The following SETBP1 variants were observed in gnomAD, a reference collection of about 807,000 sequenced individuals.
SETBP1 encodes SET-binding protein.
A neutral mutation model predicts 101.0 loss-of-function variants in SETBP1; 9 were observed. The observed-to-expected ratio is 0.09, with a 90% confidence interval of 0.05 to 0.16. The LOEUF is 0.16. Among genes scored for constraint, SETBP1 ranks in the 10% least tolerant of loss-of-function variants. The probability of loss-of-function intolerance (pLI) is 1.00; values close to 1 mark genes in which losing one functional copy is unlikely to be tolerated. For synonymous variants in SETBP1, 818 were observed against 788.5 expected (o/e 1.04, Z -0.63); for missense variants, 1,858 against 2,033.8 (o/e 0.91, Z 1.66).
chr18:44,726,527 A>C (rs1324560116), intron 2 of SETBP1, among the ~76,000 whole-genome samples: 1 of 152,208 alleles, frequency 6.6e-6, no homozygotes, highest in South Asian at 2.1e-4. Flanking sequence ...TCTAGAGAGT[A>C]TATAAAAGAG....
At chr18:44,938,141 T>A (rs1204999767) in intron 3 of SETBP1, among the ~76,000 whole-genome samples, 1 of 152,144 alleles carries the variant, frequency 6.6e-6, no homozygotes, top group Non-Finnish European at 1.5e-5. Flanking sequence ...AGCCACGTCC[T>A]GGGTCCCTGC....
chr18:44,967,009 T>C (rs940101508), intron 4 of SETBP1, among the ~76,000 whole-genome samples: 12 of 152,320 alleles, frequency 7.9e-5, no homozygotes, highest in South Asian at 6.2e-4. Context: ...AGATAATATA[T>C]TCAAACAGAA....
chr18:44,834,978 G>T (rs975292647), intron 2 of SETBP1, among the ~76,000 whole-genome samples: 2 of 152,194 alleles, frequency 1.3e-5, no homozygotes, highest in South Asian at 2.1e-4. Flanking sequence ...GGCTTATGAA[G>T]TATGAGGTGG....
At chr18:44,867,261 C>T (rs1234343121) in intron 2 of SETBP1, among the ~76,000 whole-genome samples, 7 of 152,332 alleles carry the variant, frequency 4.6e-5, no homozygotes, top group South Asian at 2.1e-4. Context: ...CTACCTTTCT[C>T]CTTAAGGTCG....
chr18:44,698,511 T>C (rs2069058034), intron 1 of SETBP1, among the ~76,000 whole-genome samples: 2 of 152,214 alleles, frequency 1.3e-5, no homozygotes, highest in Admixed American at 1.3e-4. Context: ...TTCTTCTGCA[T>C]AATCCTGCAC....
At chr18:44,948,079 A>C (rs1437418745) in intron 3 of SETBP1, among the ~76,000 whole-genome samples, 2 of 152,252 alleles carry the variant, frequency 1.3e-5, no homozygotes, top group Admixed American at 1.3e-4. Flanking sequence ...ATAGCAGCCT[A>C]TGTCCACAGC....
intron 2 of SETBP1, among the ~76,000 whole-genome samples, chr18:44,849,448 G>C (rs554017432): frequency 6.6e-6 from 1 of 152,250 alleles, no homozygotes; most frequent in African/African-American, 2.4e-5. Context: ...AAGAGGACTC[G>C]ATGTGAATAT....
chr18:44,872,574 C>G (rs897656637), intron 3 of SETBP1, among the ~76,000 whole-genome samples: 2 of 152,214 alleles, frequency 1.3e-5, no homozygotes, highest in African/African-American at 4.8e-5. Flanking sequence ...CTGAGATCTC[C>G]AGGAGCAATC....
chr18:44,988,079 A>G (rs879496391), intron 4 of SETBP1: 1 of 152,210 alleles, frequency 6.6e-6, no homozygotes, highest in Non-Finnish European at 1.5e-5. Context: ...GCTGAAAAGT[A>G]TGCACCCTTT....
chr18:44,984,027 C>T (rs2072173596), intron 4 of SETBP1, among the ~76,000 whole-genome samples: 1 of 148,258 alleles, frequency 6.7e-6, no homozygotes, highest in African/African-American at 2.4e-5. Flanking sequence ...ATGGTGAAAC[C>T]CCGTCTCTAC....
Position 45,027,588 on chromosome 18 carries a change from C to T in SETBP1, c.4001-10897C>T, listed in dbSNP as rs571469570. ...CTAGGAATTAAAATCTTGTAGGGGA[C>T]GCACTTAACTTTAACATATGTAAGA... is the stretch of plus-strand genomic sequence containing the variant. On this transcript the variant is annotated intron_variant, in intron 4 of 5. Transcript: ENST00000649279. Among the ~76,000 whole-genome samples the T allele has an allele frequency of 1.2e-4, 18 of 152,250 alleles. No homozygotes were observed. In the South Asian group the frequency reaches 2.1e-3, roughly 18 times the overall value.
intron 2 of SETBP1, among the ~76,000 whole-genome samples, chr18:44,744,846 G>C (rs2070199533): frequency 6.6e-6 from 1 of 151,816 alleles, no homozygotes; most frequent in Non-Finnish European, 1.5e-5. Context: ...GATCTCCCCT[G>C]AATGCTGTCC....
At chr18:44,892,754 A>C (rs1316502796) in intron 3 of SETBP1, among the ~76,000 whole-genome samples, 2 of 152,146 alleles carry the variant, frequency 1.3e-5, no homozygotes, top group African/African-American at 2.4e-5. Flanking sequence ...TCATCCACAC[A>C]ATAACTTCAA....
chr18:44,895,879 C>T (rs998994905), intron 3 of SETBP1, among the ~76,000 whole-genome samples: 2 of 151,932 alleles, frequency 1.3e-5, no homozygotes, highest in Non-Finnish European at 2.9e-5. Flanking sequence ...TTATTAACAT[C>T]GAGAGGCAAA....
intron 2 of SETBP1, among the ~76,000 whole-genome samples, chr18:44,748,335 A>G (rs1241173332): frequency 1.3e-5 from 2 of 152,238 alleles, no homozygotes; most frequent in Non-Finnish European, 2.9e-5. Context: ...CTTAGGAAGA[A>G]ATGTTTAGAC....
chr18:44,777,291 A>C (rs2071024967), intron 2 of SETBP1, among the ~76,000 whole-genome samples: 1 of 152,220 alleles, frequency 6.6e-6, no homozygotes, highest in South Asian at 2.1e-4. Context: ...ATCTCAAAAA[A>C]ATAAAAGTTA....
At chr18:45,048,429 C>A (rs1387414121) in intron 5 of SETBP1, among the ~76,000 whole-genome samples, 1 of 152,184 alleles carries the variant, frequency 6.6e-6, no homozygotes, top group Non-Finnish European at 1.5e-5. Flanking sequence ...TGTGAAGTCA[C>A]AATTTAGCCA....
intron 3 of SETBP1, among the ~76,000 whole-genome samples, chr18:44,873,745 G>A (rs1180610155): frequency 1.3e-5 from 2 of 152,178 alleles, no homozygotes; most frequent in African/African-American, 4.8e-5. Flanking sequence ...TCTGGAAAAT[G>A]AAATAATAGG....
intron 2 of SETBP1, among the ~76,000 whole-genome samples, chr18:44,709,919 G>A (rs1480351225): frequency 6.0e-5 from 9 of 149,126 alleles, no homozygotes; most frequent in Non-Finnish European, 8.9e-5. Flanking sequence ...CTGCCAAACC[G>A]GGATTACTGC....
Sources: allele counts gnomAD v4.1 joint callset (sites outside exome capture counted in the v4.1 genomes callset), GRCh38; gene constraint gnomAD v4.1.1; transcripts MANE v1.5; gene names NCBI Gene and HGNC (gene_info 2026-07-23, HGNC 2026-07-21).